ACACA: variants seen among roughly 807,000 people sequenced by gnomAD.
ACACA encodes the protein acetyl-CoA carboxylase 1.
A neutral mutation model predicts 296.1 loss-of-function variants in ACACA; 103 were observed. The ratio of observed to expected loss-of-function variants is 0.35; its 90% confidence interval spans 0.30 to 0.41. The LOEUF (loss-of-function observed/expected upper bound fraction) is 0.41. Ranked by LOEUF, ACACA falls within the 10% of genes least tolerant of loss-of-function variation. The pLI, the probability that ACACA is intolerant of heterozygous loss-of-function variation, is 1.00. For missense variants in ACACA, 1,554 were observed against 2,989.7 expected (o/e 0.52, Z 11.20); for synonymous variants, 953 against 1,038.6 (o/e 0.92, Z 1.58).
At chr17:37,337,956 G>A (rs1219961516) in intron 2 of ACACA, among the ~76,000 whole-genome samples, 2 of 151,806 alleles carry the variant, frequency 1.3e-5, no homozygotes, top group East Asian at 3.9e-4. Flanking sequence ...AATTAGCCGG[G>A]CGTAGTGGCG....
chr17:37,339,894 A>G (rs2048308631), intron 1 of ACACA, 44 bp from the exon 2 acceptor site: 1 of 1,048,688 alleles, frequency 9.5e-7, no homozygotes, highest in South Asian at 1.3e-5. Context: ...TTTTTAAGAA[A>G]CAAACTTTTG....
chr17:37,273,565 G>A (rs1203106460), intron 9 of ACACA, among the ~76,000 whole-genome samples: 1 of 152,218 alleles, frequency 6.6e-6, no homozygotes, highest in Non-Finnish European at 1.5e-5. Context: ...TCAGCCCACT[G>A]CACAGGACAT....
intron 1 of ACACA, among the ~76,000 whole-genome samples, chr17:37,369,910 T>C (rs1055741445): frequency 3.9e-5 from 6 of 152,022 alleles, no homozygotes; most frequent in East Asian, 3.9e-4. Context: ...TTCACCACGT[T>C]GGCCAGGCTG....
Position 37,243,322 on chromosome 17 carries a change from A to T in ACACA, c.2931+49T>A, listed in dbSNP as rs765184984. On this transcript the variant is annotated intron_variant, in intron 22 of 55. Transcript: ENST00000616317. ...AATAGGAAGGAATCCTACAACATAAACTCTGGCATTGGTAGCCAGAAAAAA... is the reference window on the plus strand; with the variant it reads ...AATAGGAAGGAATCCTACAACATAATCTCTGGCATTGGTAGCCAGAAAAAA... 8.4e-6 allele frequency: 13 copies of T among 1,539,302 alleles called. No homozygotes were observed. The East Asian group carries it at 2.9e-4, about 35-fold the overall frequency.
intron 55 of ACACA, among the ~76,000 whole-genome samples, chr17:37,087,888 C>A (rs947060505): frequency 1.3e-5 from 2 of 152,144 alleles, no homozygotes; most frequent in African/African-American, 4.8e-5. Flanking sequence ...GCAAGCTCAT[C>A]GTAAAGACTG....
rs1567639068 is a variant in ACACA at position 37,087,357 on chromosome 17, C to T, written c.7111G>A (p.Val2371Ile). The change falls in exon 56 of 56, where the codon GTC (valine) becomes ATC (isoleucine). Residue 2371 changes from valine (V) to isoleucine (I), a missense_variant. Val to Ile is a conservative substitution (Grantham distance 29). Around this residue, in one of 16 missense-constraint regions of ACACA, gnomAD observed 553 missense variants for 1,043.6 expected, o/e 0.53. Transcript: ENST00000616317. ...TCCATTGTGGAGAGGATCCGTATGA[C>T]TTCTGCTCGCTGAGTGGGTGATATG... is the stretch of plus-strand genomic sequence containing the variant. ...QHISPTQRAE[V>I]IRILSTMDSP... The T allele has an allele frequency of 6.2e-7, 1 of 1,614,110 alleles. No individual in the cohort carries two copies. The highest frequency in any genetic ancestry group is 8.5e-7 in the Non-Finnish European group (1 of 1,180,018).
At chr17:37,278,436 T>C (rs1019451724) in intron 5 of ACACA, among the ~76,000 whole-genome samples, 1 of 152,150 alleles carries the variant, frequency 6.6e-6, no homozygotes, top group South Asian at 2.1e-4. Context: ...TGGAGAAAGA[T>C]AGGAGAGCCT....
chr17:37,374,507 G>A (rs184542063), intron 1 of ACACA, among the ~76,000 whole-genome samples: 43 of 151,912 alleles, frequency 2.8e-4, no homozygotes, highest in African/African-American at 7.7e-4. Flanking sequence ...GGCTGGTCTC[G>A]AACTCCCGAC....
At chr17:37,096,961 C>T (rs1238666895) in intron 54 of ACACA, 35 bp downstream of exon 54, 1 of 1,613,656 alleles carries the variant, frequency 6.2e-7, no homozygotes, top group South Asian at 1.1e-5. Flanking sequence ...GTGAGGAACT[C>T]AGCAAAAAGG....
rs764877962 is a variant in ACACA at position 37,248,685 on chromosome 17, G to A, written c.2082-11C>T. 16 of 1,570,360 alleles carry A rather than the reference G, an allele frequency of 1.0e-5. No homozygotes were observed. The Middle Eastern group carries it at 5.0e-4, about 49-fold the overall frequency. On this transcript the variant is annotated splice_polypyrimidine_tract_variant and intron_variant, in intron 16 of 55. Transcript: ENST00000616317. ...GGAAGGACTTGACCCCTGAAAGAAC[G>A]ATGAGAGAGGAACTTACTACAAAGT...
At chr17:37,258,904 A>C (rs2081327224) in intron 12 of ACACA, among the ~76,000 whole-genome samples, 2 of 152,196 alleles carry the variant, frequency 1.3e-5, no homozygotes, top group South Asian at 4.1e-4. Flanking sequence ...GAGAGAAGAC[A>C]ATAATATTGA....
intron 3 of ACACA, chr17:37,328,982 A>C: frequency 2.5e-6 from 1 of 398,626 alleles, no homozygotes; most frequent in Non-Finnish European, 4.4e-6. Flanking sequence ...CTTTTAATCC[A>C]AGAACTGAAA....
Position 37,388,478 on chromosome 17 carries a change from G to A in ACACA, c.38+17784C>T, listed in dbSNP as rs996706889. Among the ~76,000 whole-genome samples, 4 of 149,636 alleles carry A rather than the reference G, an allele frequency of 2.7e-5. No individual in the cohort carries two copies. The Admixed American group carries it at 2.7e-4, about 10-fold the overall frequency. On this transcript the variant is annotated intron_variant, in intron 1 of 55. Coordinates refer to ENST00000616317, the MANE Select transcript of ACACA (RefSeq NM_198834.3). ...AGAGAGTGCAAAAGAAGTTAGAGCAGAGCCCATGATGCTCAGCTCACCCTC... is the reference window on the plus strand; with the variant it reads ...AGAGAGTGCAAAAGAAGTTAGAGCAAAGCCCATGATGCTCAGCTCACCCTC...
rs2074748629 is a variant in ACACA, at chr17:37,125,703, T to C, written c.6036A>G (p.Arg2012=). ...CAAAACAAAAGAGCTCTTACCTGGC[T>C]CTACCAACCACCACAGTCTGTGCCC... The part of the protein sequence containing the change: ...QPWAQTVVVG[R]ARLGGIPVGV... The change falls in exon 48 of 56, where the codon AGA becomes AGG. Residue 2012 remains arginine, a synonymous_variant. Transcript: ENST00000616317. The C allele has an allele frequency of 6.2e-7, 1 of 1,613,600 alleles. No individual in the cohort carries two copies. The highest frequency in any genetic ancestry group is 1.3e-5 in the African/African-American group (1 of 75,022).
chr17:37,244,621 T>C lies in ACACA; in HGVS notation c.2709A>G (p.Gly903=). The C allele has an allele frequency of 1.2e-6, 2 of 1,614,154 alleles. No individual in the cohort carries two copies. The highest frequency in any genetic ancestry group is 1.7e-6 in the Non-Finnish European group (2 of 1,180,008). ...VLDNLVNVMN[G]YCLPDPFFSS... Reference sequence around the variant, plus strand: ...TAAAGAAAGGATCTGGAAGGCAGTATCCATTCATTACATTGACCAGATTAT... The same window carrying C: ...TAAAGAAAGGATCTGGAAGGCAGTACCCATTCATTACATTGACCAGATTAT... The change falls in exon 21 of 56, where the codon GGA becomes GGG. Residue 903 remains glycine, a synonymous_variant. Transcript: ENST00000616317.
At chr17:37,093,689 G>A (rs2072795786) in intron 54 of ACACA, among the ~76,000 whole-genome samples, 1 of 152,072 alleles carries the variant, frequency 6.6e-6, no homozygotes, top group South Asian at 2.1e-4. Context: ...GTGAAGACAG[G>A]GTCTTGCTTT....
At chr17:37,305,915 T>G (rs1040363509) in intron 3 of ACACA, among the ~76,000 whole-genome samples, 36 of 146,430 alleles carry the variant, frequency 2.5e-4, no homozygotes, top group South Asian at 6.8e-4. Flanking sequence ...TTTTTTTTTT[T>G]TTTTTTTTTT....
chr17:37,295,911 C>T (rs2083304616), intron 3 of ACACA, among the ~76,000 whole-genome samples: 1 of 151,270 alleles, frequency 6.6e-6, no homozygotes, highest in South Asian at 2.1e-4. Context: ...GGCTAAAGGG[C>T]GAGACTCCAT....
intron 9 of ACACA, 90 bp downstream of exon 9, chr17:37,274,103 G>A: frequency 9.4e-7 from 1 of 1,067,688 alleles, no homozygotes; most frequent in South Asian, 1.2e-5. Flanking sequence ...ACCACCTTGG[G>A]TATATATCAC....
Sources: gnomAD v4.1 joint callset for allele counts (sites outside exome capture counted in the v4.1 genomes callset) on GRCh38, gnomAD v4.1.1 for gene constraint, gnomAD v4.1.1 regional missense constraint, MANE v1.5 for transcripts, NCBI Gene and HGNC (gene_info 2026-07-23, HGNC 2026-07-21) for gene names.